Variants in SEPTIN9 observed in about 807,000 individuals in gnomAD.
SEPTIN9 encodes septin 9.
A neutral mutation model predicts 56.6 loss-of-function variants in SEPTIN9; 13 were observed. The ratio of observed to expected loss-of-function variants is 0.23; its 90% CI spans 0.15 to 0.37. SEPTIN9 has a LOEUF of 0.37. SEPTIN9 is among the 10% of genes least tolerant of loss of function. The pLI is 1.00. For missense variants in SEPTIN9, 650 were observed against 823.1 expected (o/e 0.79, Z 2.57); for synonymous variants, 332 against 334.1 (o/e 0.99, Z 0.07).
chr17:77,286,332 A>G (rs8068063), intron 1 of SEPTIN9: 147,987 of 152,436 alleles, frequency 0.97, 71,988 homozygotes, highest in Non-Finnish European at 1. Context: ...GCCCAGAGGG[A>G]TTCTGATAGC....
At position 77,287,384 on chromosome 17, in the gene SEPTIN9, T is replaced by C. The variant is rs73997441; in HGVS notation, c.19+5830T>C. The stretch of plus-strand genomic sequence containing the variant: ...GCCAGGAGGCCTGGCATTGGCCTGC[T>C]CTACTGGAGCGGCCCTGCTGAGCTG... On this transcript the variant is annotated intron_variant, in intron 1 of 11. Coordinates refer to ENST00000427177, the MANE Select transcript of SEPTIN9 (RefSeq NM_001113491.2). Among the ~76,000 whole-genome samples, 1,000 of 152,302 alleles carry C rather than the reference T, an allele frequency of 6.6e-3. 12 individuals are homozygous for C. Among genetic ancestry groups the C allele is most frequent in the African/African-American group, 0.023 (957 of 41,568 alleles).
At chr17:77,296,374 C>T (rs563244756) in intron 1 of SEPTIN9, among the ~76,000 whole-genome samples, 41 of 152,094 alleles carry the variant, frequency 2.7e-4, no homozygotes, top group Middle Eastern at 3.4e-3. Flanking sequence ...GACAGACAAG[C>T]GGACAGAGAG....
intron 3 of SEPTIN9, among the ~76,000 whole-genome samples, chr17:77,470,306 C>T (rs2038933729): frequency 6.6e-6 from 1 of 151,878 alleles, no homozygotes; most frequent in Non-Finnish European, 1.5e-5. Flanking sequence ...ACCCACCCAT[C>T]CACTCACCCA....
At chr17:77,447,401 GCTTCAGACTCACTC>G (rs2037782980) in intron 3 of SEPTIN9, among the ~76,000 whole-genome samples, 1 of 152,160 alleles carries the variant, frequency 6.6e-6, no homozygotes, top group African/African-American at 2.4e-5. Context: ...AACATTCCAA[GCTTCAGACTCACTC>G]CTGGGAAAAT....
chr17:77,416,860 G>A (rs946445284), intron 3 of SEPTIN9, among the ~76,000 whole-genome samples: 10 of 152,162 alleles, frequency 6.6e-5, no homozygotes, highest in Non-Finnish European at 2.9e-5. Context: ...TCCCAACCTC[G>A]AGCCTCCCAT....
chr17:77,307,129 C>T lies in SEPTIN9; in HGVS notation c.20-12C>T, dbSNP rs751813929. On this transcript the variant is annotated splice_polypyrimidine_tract_variant and intron_variant, in intron 1 of 11. Transcript: ENST00000427177. ...GCCTTGTGTGACCTTTGCCCTTTGT[C>T]TCTGTCTTTAGGAGGCACGCGGACC... The T allele has an allele frequency of 1.2e-6, 2 of 1,613,834 alleles. No individual in the cohort carries two copies. The highest frequency in any genetic ancestry group is 1.7e-6 in the Non-Finnish European group (2 of 1,179,744).
chr17:77,377,828 A>G (rs906635524), intron 2 of SEPTIN9, among the ~76,000 whole-genome samples: 2 of 151,996 alleles, frequency 1.3e-5, no homozygotes, highest in Non-Finnish European at 2.9e-5. Flanking sequence ...TGCGTGATGA[A>G]CCCTGCCTTT....
Position 77,317,051 on chromosome 17 carries a change from G to C in SEPTIN9, c.76+9854G>C, listed in dbSNP as rs961805944. On this transcript the variant is annotated intron_variant, in intron 2 of 11. Transcript: ENST00000427177. The surrounding 1 kb of genome is among the most constrained non-coding windows in gnomAD (Gnocchi z 4.2). Reference sequence around the variant, plus strand: ...CGGAGTCAGTGGTTGTTAGTGGTTGGCTTAACACAATGTTTTAGGAAGAAA... The same window carrying C: ...CGGAGTCAGTGGTTGTTAGTGGTTGCCTTAACACAATGTTTTAGGAAGAAA... Among the ~76,000 whole-genome samples the C allele has an allele frequency of 6.6e-6, 1 of 152,196 alleles. No individual in the cohort carries two copies. The highest frequency in any genetic ancestry group is 1.5e-5 in the Non-Finnish European group (1 of 68,038).
At chr17:77,465,984 GC>G (rs1254254165) in intron 3 of SEPTIN9, among the ~76,000 whole-genome samples, 4 of 151,876 alleles carry the variant, frequency 2.6e-5, no homozygotes, top group South Asian at 2.1e-4. Flanking sequence ...AAGTGCTGGG[GC>G]CCCCAGGTGG....
intron 2 of SEPTIN9, among the ~76,000 whole-genome samples, chr17:77,346,307 T>TTTTTTTTTTTTTTTTTTTTC (rs2033894155): frequency 7.4e-6 from 1 of 135,228 alleles, no homozygotes; most frequent in East Asian, 2.3e-4. Context: ...TTTTTTTTTT[T>TTTTTTTTTTTTTTTTTTTTC]ACTTCTTTTC....
At chr17:77,348,007 A>T (rs12601177) in intron 2 of SEPTIN9, among the ~76,000 whole-genome samples, 5,349 of 152,242 alleles carry the variant, frequency 0.035, 313 homozygotes, top group East Asian at 0.28. Context: ...CTCCATCATC[A>T]TTCAAGCAGC....
At chr17:77,344,969 CAAAAAAAAAAAA>C (rs35165946) in intron 2 of SEPTIN9, among the ~76,000 whole-genome samples, 14,641 of 69,070 alleles carry the variant, frequency 0.21, 1,110 homozygotes, top group South Asian at 0.43. Context: ...AAGACTGCCT[CAAAAAAAAAAAA>C]AAAAAAAAAA....
chr17:77,479,059 G>C (rs148331675), intron 3 of SEPTIN9, among the ~76,000 whole-genome samples: 2 of 152,278 alleles, frequency 1.3e-5, no homozygotes, highest in East Asian at 1.9e-4. Flanking sequence ...AGGACAGTTT[G>C]TTTTACAAGA....
chr17:77,445,592 T>G lies in SEPTIN9; in HGVS notation c.722-36552T>G. 2.7e-6 allele frequency: 1 copy of G among 374,642 alleles called. No homozygotes were observed. The highest frequency in any genetic ancestry group is 5.5e-6 in the Non-Finnish European group (1 of 180,442). 23.2% of individuals were successfully genotyped at this position (374,642 alleles called of 1,614,324 possible). On this transcript the variant is annotated intron_variant, in intron 3 of 11. Coordinates refer to ENST00000427177, the MANE Select transcript of SEPTIN9 (RefSeq NM_001113491.2). This position sits in a 1 kb window ranked among gnomAD's most constrained non-coding sequence, Gnocchi z 4.7. ...AGCTGTGAAACCACATCCCCTCCTCTCTGCTGCTGTGTTGCTGTGTGTTTC... is the reference window on the plus strand; with the variant it reads ...AGCTGTGAAACCACATCCCCTCCTCGCTGCTGCTGTGTTGCTGTGTGTTTC...
At chr17:77,384,842 AACACACACACACACACACACACACAC>A (rs146495461) in intron 2 of SEPTIN9, among the ~76,000 whole-genome samples, 3 of 142,166 alleles carry the variant, frequency 2.1e-5, no homozygotes, top group Admixed American at 2.1e-4. Flanking sequence ...AACCTGTTTA[AACACACACACACACACACACACACAC>A]ACACACACAC....
In SEPTIN9 at chr17:77,287,966, G is replaced by A. The variant is rs895388109; in HGVS notation, c.19+6412G>A. ...AGTCGCTGGTCATCCTCAGAGCGGT[G>A]TTGGCCCGGGGCCTTCAGTGGCCTT... is the stretch of plus-strand genomic sequence containing the variant. On this transcript the variant is annotated intron_variant, in intron 1 of 11. Coordinates refer to ENST00000427177, the MANE Select transcript of SEPTIN9 (RefSeq NM_001113491.2). 17 of 1,054,012 alleles carry A rather than the reference G, an allele frequency of 1.6e-5. No homozygotes were observed. The African/African-American group carries it at 2.5e-4, about 15-fold the overall frequency. 65.3% of individuals were successfully genotyped at this position (1,054,012 alleles called of 1,614,324 possible). A position where few individuals can be genotyped will look rare whatever the true frequency, so the allele number is the denominator to read the frequency against.
chr17:77,337,442 A>T (rs969784825), intron 2 of SEPTIN9, among the ~76,000 whole-genome samples: 12 of 151,628 alleles, frequency 7.9e-5, no homozygotes, highest in Non-Finnish European at 1.5e-4. Flanking sequence ...TTCATGAGGG[A>T]TATTGGTGTG....
intron 1 of SEPTIN9, among the ~76,000 whole-genome samples, chr17:77,284,070 G>A (rs1297909520): frequency 1.3e-5 from 2 of 152,184 alleles, no homozygotes; most frequent in East Asian, 1.9e-4. Context: ...AAGGGACTTG[G>A]CCAGGTGCGC....
chr17:77,305,284 G>A (rs751589743), intron 1 of SEPTIN9, among the ~76,000 whole-genome samples: 14 of 152,148 alleles, frequency 9.2e-5, no homozygotes, highest in Non-Finnish European at 1.8e-4. Context: ...GTGCGACCTT[G>A]GGCAGTTTGC....
Sources: gnomAD v4.1 joint callset for allele counts (sites outside exome capture counted in the v4.1 genomes callset) on GRCh38, gnomAD v4.1.1 for gene constraint, Gnocchi (gnomAD v3.1) non-coding constraint, MANE v1.5 for transcripts, NCBI Gene and HGNC (gene_info 2026-07-23, HGNC 2026-07-21) for gene names.